EPB41L3: variants seen among roughly 807,000 people sequenced by gnomAD.
EPB41L3 encodes erythrocyte membrane protein band 4.1 like 3.
A neutral mutation model predicts 127.1 loss-of-function variants in EPB41L3; 57 were observed. That is an observed-to-expected ratio of 0.45 (90% CI 0.36 to 0.56). The LOEUF (loss-of-function observed/expected upper bound fraction) is 0.56. Among genes scored for constraint, EPB41L3 ranks in the 20% least tolerant of loss-of-function variants. The pLI is 0.00. For synonymous variants in EPB41L3, 572 were observed against 549.5 expected (o/e 1.04, Z -0.57); for missense variants, 1,273 against 1,372.2 (o/e 0.93, Z 1.14).
intron 3 of EPB41L3, among the ~76,000 whole-genome samples, chr18:5,597,895 C>G (rs2094552181): frequency 6.6e-6 from 1 of 152,194 alleles, no homozygotes; most frequent in East Asian, 1.9e-4. Context: ...ATGGAAACCA[C>G]AGCAGTAGCA....
intron 3 of EPB41L3, among the ~76,000 whole-genome samples, chr18:5,581,655 T>C (rs2094394764): frequency 6.6e-6 from 1 of 152,214 alleles, no homozygotes; most frequent in East Asian, 1.9e-4. Context: ...AGTTCTGCCT[T>C]ATTCCATCAA....
intron 1 of EPB41L3, among the ~76,000 whole-genome samples, chr18:5,511,391 G>GGTTT (rs2092505833): frequency 3.3e-5 from 2 of 59,798 alleles, no homozygotes; most frequent in African/African-American, 1.4e-4. Context: ...AGGTATTTTG[G>GGTTT]TTTTTTTTTT....
intron 1 of EPB41L3, among the ~76,000 whole-genome samples, chr18:5,532,877 T>A (rs1453851686): frequency 6.6e-6 from 1 of 151,932 alleles, no homozygotes; most frequent in Non-Finnish European, 1.5e-5. Context: ...AGGAGAAGAC[T>A]CAGACAAGGA....
chr18:5,472,041 A>G (rs576988480), intron 3 of EPB41L3, among the ~76,000 whole-genome samples: 1 of 152,192 alleles, frequency 6.6e-6, no homozygotes, highest in Admixed American at 6.5e-5. Context: ...ATATTTCTTG[A>G]TATATACACT....
rs976142049 is a variant in EPB41L3 at position 5,400,609 on chromosome 18, C to T, written c.2350-2466G>A. ...TATCACACTTGGCTAGTGGGGAAAC[C>T]AATAAGAATTCAGAACTTTCAAAAT... On this transcript the variant is annotated intron_variant, in intron 16 of 22. Transcript: ENST00000341928. The T allele has an allele frequency of 1.1e-5, 5 of 463,634 alleles. No individual in the cohort carries two copies. The Admixed American group carries it at 1.2e-4, about 11-fold the overall frequency. The allele number at this position is 463,634 out of a possible 1,614,324, so 28.7% of individuals were successfully genotyped here.
At chr18:5,477,793 C>T (rs570674783) in intron 3 of EPB41L3, among the ~76,000 whole-genome samples, 2 of 152,276 alleles carry the variant, frequency 1.3e-5, no homozygotes, top group Admixed American at 1.3e-4. Flanking sequence ...TACTCATTCT[C>T]CAAGCAAGAA....
chr18:5,423,912 G>T (rs1251980024), intron 10 of EPB41L3, among the ~76,000 whole-genome samples: 1 of 152,148 alleles, frequency 6.6e-6, no homozygotes, highest in Non-Finnish European at 1.5e-5. Flanking sequence ...CTCGTACCAT[G>T]CATAGGTAGG....
intron 3 of EPB41L3, among the ~76,000 whole-genome samples, chr18:5,553,313 A>G (rs948949599): frequency 6.6e-6 from 1 of 152,140 alleles, no homozygotes; most frequent in Non-Finnish European, 1.5e-5. Flanking sequence ...TGAGGTAGGA[A>G]CTATAATTAT....
intron 3 of EPB41L3, among the ~76,000 whole-genome samples, chr18:5,470,627 C>A (rs2085948571): frequency 6.6e-6 from 1 of 152,176 alleles, no homozygotes; most frequent in South Asian, 2.1e-4. Flanking sequence ...ATTGCCTCTG[C>A]CATACAGTCA....
At chr18:5,541,874 T>C (rs933098533) in intron 1 of EPB41L3, among the ~76,000 whole-genome samples, 4 of 152,216 alleles carry the variant, frequency 2.6e-5, no homozygotes, top group Admixed American at 2.6e-4. Flanking sequence ...GATGAATTAT[T>C]CACAAAACAT....
chr18:5,537,106 C>T (rs151077130), intron 1 of EPB41L3, among the ~76,000 whole-genome samples: 10 of 152,244 alleles, frequency 6.6e-5, no homozygotes, highest in African/African-American at 2.2e-4. Context: ...AAGAACCATG[C>T]CACATAGTTA....
chr18:5,430,484 G>T (rs746376246), intron 8 of EPB41L3, among the ~76,000 whole-genome samples: 1 of 150,706 alleles, frequency 6.6e-6, no homozygotes, highest in Admixed American at 6.6e-5. Context: ...TTAATCGCAC[G>T]GCAAAAAAAA....
intron 1 of EPB41L3, among the ~76,000 whole-genome samples, chr18:5,519,852 A>G (rs1304325294): frequency 6.6e-6 from 1 of 152,194 alleles, no homozygotes; most frequent in Non-Finnish European, 1.5e-5. Context: ...ACAGATTTAC[A>G]CTGTTCAGTT....
In EPB41L3 at chr18:5,543,761, G is replaced by A. The variant is rs2093819332; in HGVS notation, c.-12+152C>T. ...TGGGGACCCCGGCCGCGCCGGGCGC[G>A]GGGCTCGGGATTCGGGAGACCGCGC... is the stretch of plus-strand genomic sequence containing the variant. On this transcript the variant is annotated intron_variant, in intron 1 of 22. Coordinates refer to ENST00000341928, the MANE Select transcript of EPB41L3 (RefSeq NM_012307.5). The surrounding 1 kb of genome is among the most constrained non-coding windows in gnomAD (Gnocchi z 5.2). Among the ~76,000 whole-genome samples the A allele has an allele frequency of 6.7e-6, 1 of 149,430 alleles. No individual in the cohort carries two copies. The highest frequency in any genetic ancestry group is 2.0e-4 in the East Asian group (1 of 4,956).
intron 1 of EPB41L3, among the ~76,000 whole-genome samples, chr18:5,503,443 C>T (rs191864302): frequency 3.4e-4 from 52 of 152,302 alleles, no homozygotes; most frequent in African/African-American, 1.2e-3. Context: ...CTGGGTTCCA[C>T]GTCCACCAAT....
At chr18:5,562,390 G>A (rs2094145520) in intron 3 of EPB41L3, among the ~76,000 whole-genome samples, 2 of 152,224 alleles carry the variant, frequency 1.3e-5, no homozygotes, top group Non-Finnish European at 2.9e-5. Context: ...ATGGTCAGGA[G>A]TTAAACAATG....
At chr18:5,530,889 C>T (rs1051404624) in intron 1 of EPB41L3, among the ~76,000 whole-genome samples, 4 of 152,132 alleles carry the variant, frequency 2.6e-5, no homozygotes, top group African/African-American at 4.8e-5. Flanking sequence ...CAAAAATGGG[C>T]GGTGACATTC....
intron 3 of EPB41L3, among the ~76,000 whole-genome samples, chr18:5,554,493 A>G (rs1220026056): frequency 6.6e-6 from 1 of 152,216 alleles, no homozygotes; most frequent in Non-Finnish European, 1.5e-5. Context: ...AATGGTGGAT[A>G]TATGATAAAA....
chr18:5,480,599 A>G (rs995120383), intron 2 of EPB41L3, among the ~76,000 whole-genome samples: 2 of 152,222 alleles, frequency 1.3e-5, no homozygotes, highest in African/African-American at 4.8e-5. Context: ...TCCTAGCCTG[A>G]ATCAAAGAAT....
Sources: gnomAD v4.1 joint callset for allele counts (sites outside exome capture counted in the v4.1 genomes callset) on GRCh38, gnomAD v4.1.1 for gene constraint, Gnocchi (gnomAD v3.1) non-coding constraint, MANE v1.5 for transcripts, NCBI Gene and HGNC (gene_info 2026-07-23, HGNC 2026-07-21) for gene names.